The following GRIN2B variants were observed in gnomAD, a reference collection of about 807,000 sequenced individuals.
GRIN2B encodes glutamate receptor ionotropic, NMDA 2B.
In GRIN2B, 5 loss-of-function variants were observed where a neutral mutation model predicts 114.5. The observed-to-expected ratio is 0.04, with a 90% CI of 0.02 to 0.09. The LOEUF is 0.09. Ranked by LOEUF, GRIN2B falls within the 10% of genes least tolerant of loss-of-function variation. The pLI, the probability that GRIN2B is intolerant of heterozygous loss-of-function variation, is 1.00. For synonymous variants in GRIN2B, 787 were observed against 745.1 expected (o/e 1.06, Z -0.92); for missense variants, 1,108 against 1,943.5 (o/e 0.57, Z 8.08).
intron 3 of GRIN2B, among the ~76,000 whole-genome samples, chr12:13,842,805 A>G (rs1591762560): frequency 6.6e-6 from 1 of 152,066 alleles, no homozygotes; most frequent in Non-Finnish European, 1.5e-5. Context: ...TTATAACGAG[A>G]TAATTCATAT....
At chr12:13,786,487 C>T (rs1369709891) in intron 3 of GRIN2B, among the ~76,000 whole-genome samples, 1 of 152,134 alleles carries the variant, frequency 6.6e-6, no homozygotes, top group Non-Finnish European at 1.5e-5. Flanking sequence ...TTTTCAAGAA[C>T]TGCACGCCAT....
intron 3 of GRIN2B, among the ~76,000 whole-genome samples, chr12:13,806,145 G>A (rs1864595500): frequency 1.3e-5 from 2 of 152,036 alleles, no homozygotes; most frequent in Non-Finnish European, 2.9e-5. Context: ...GGACACTTAG[G>A]TTGACTCCAT....
At chr12:13,572,357 G>C (rs1353404054) in intron 10 of GRIN2B, among the ~76,000 whole-genome samples, 2 of 152,120 alleles carry the variant, frequency 1.3e-5, no homozygotes, top group African/African-American at 4.8e-5. Flanking sequence ...CTGTATTCAG[G>C]CCTCTTAAAG....
chr12:13,683,832 T>C (rs1005261063), intron 4 of GRIN2B: 1 of 152,198 alleles, frequency 6.6e-6, no homozygotes, highest in African/African-American at 2.4e-5. Context: ...CATTATGTAT[T>C]AGTTGTTATT....
intron 12 of GRIN2B, 49 bp downstream of exon 12, chr12:13,569,781 C>A: frequency 8.7e-7 from 1 of 1,148,164 alleles, no homozygotes. Context: ...ATGTTTTGGA[C>A]TGGCCATCAG....
intron 4 of GRIN2B, among the ~76,000 whole-genome samples, chr12:13,730,379 A>G (rs1417894783): frequency 6.6e-6 from 1 of 152,014 alleles, no homozygotes; most frequent in African/African-American, 2.4e-5. Flanking sequence ...TAACCAAACA[A>G]GCTGACTGTG....
intron 3 of GRIN2B, among the ~76,000 whole-genome samples, chr12:13,812,626 GT>G (rs1565547084): frequency 6.6e-6 from 1 of 151,948 alleles, no homozygotes; most frequent in Non-Finnish European, 1.5e-5. Context: ...TAAGAATTCT[GT>G]TTTTTTAATC....
At chr12:13,622,608 TA>T (rs1949529073) in intron 5 of GRIN2B, among the ~76,000 whole-genome samples, 3 of 152,290 alleles carry the variant, frequency 2.0e-5, no homozygotes, top group South Asian at 2.1e-4. Flanking sequence ...CTGGGTAATT[TA>T]TTTTTTTTTA....
rs1019237182 is a variant in GRIN2B at position 13,543,094 on chromosome 12, T to C, written c.*19689A>G. The C allele has an allele frequency of 1.3e-5, 2 of 152,168 alleles. No homozygotes were observed. The highest frequency in any genetic ancestry group is 4.8e-5 in the African/African-American group (2 of 41,444). 9.4% of individuals were successfully genotyped at this position (152,168 alleles called of 1,614,324 possible). ...TCCCTCATTCCTGTCATAATTTACA[T>C]TCCTATCATATGGAAGTCAACATTT... On this transcript the variant is annotated 3_prime_UTR_variant, in exon 14 of 14. Transcript: ENST00000609686.
intron 10 of GRIN2B, among the ~76,000 whole-genome samples, chr12:13,588,780 T>C (rs1948966691): frequency 6.6e-6 from 1 of 152,208 alleles, no homozygotes; most frequent in Admixed American, 6.5e-5. Context: ...GGCTGCGTTA[T>C]ACACCAGTAG....
intron 5 of GRIN2B, among the ~76,000 whole-genome samples, chr12:13,660,830 T>A (rs576206535): frequency 6.6e-6 from 1 of 152,306 alleles, no homozygotes; most frequent in East Asian, 1.9e-4. Context: ...GCCAGACTGT[T>A]CAAAGCCTCT....
At chr12:13,671,056 C>T (rs984018603) in intron 5 of GRIN2B, among the ~76,000 whole-genome samples, 1 of 152,134 alleles carries the variant, frequency 6.6e-6, no homozygotes, top group African/African-American at 2.4e-5. Flanking sequence ...ATTCCAGAGA[C>T]TGGGAACAGC....
At chr12:13,717,206 A>G (rs1034267862) in intron 4 of GRIN2B, among the ~76,000 whole-genome samples, 5 of 151,574 alleles carry the variant, frequency 3.3e-5, no homozygotes, top group Admixed American at 2.0e-4. Flanking sequence ...TTAAATAGCT[A>G]CTAAGTGGTT....
At chr12:13,680,481 T>TGTGTGTGTGC in intron 4 of GRIN2B, among the ~76,000 whole-genome samples, 1 of 148,044 alleles carries the variant, frequency 6.8e-6, no homozygotes, top group Non-Finnish European at 1.5e-5. Context: ...TGTGTGTGTG[T>TGTGTGTGTGC]GTGTATTTTA....
intron 10 of GRIN2B, among the ~76,000 whole-genome samples, chr12:13,580,547 G>T (rs1343739156): frequency 6.6e-6 from 1 of 152,184 alleles, no homozygotes; most frequent in Non-Finnish European, 1.5e-5. Context: ...AGGCACCCAA[G>T]AGAAAAAGTG....
At chr12:13,933,280 C>G (rs1391707729) in intron 2 of GRIN2B, among the ~76,000 whole-genome samples, 1 of 152,158 alleles carries the variant, frequency 6.6e-6, no homozygotes, top group African/African-American at 2.4e-5. Context: ...AGCACCCCGA[C>G]TGAAACACAG....
At chr12:13,568,468 C>T (rs1948668247) in intron 12 of GRIN2B, among the ~76,000 whole-genome samples, 1 of 152,202 alleles carries the variant, frequency 6.6e-6, no homozygotes, top group Non-Finnish European at 1.5e-5. Context: ...ACTAAAATTA[C>T]AGAAGCTCTT....
rs1175700483 is a variant in GRIN2B, at chr12:13,876,248, T to C, written c.-18-10022A>G. 2.0e-5 allele frequency among the ~76,000 whole-genome samples: 3 copies of C among 152,200 alleles called. No individual in the cohort carries two copies. In the East Asian group the frequency reaches 5.8e-4, roughly 29 times the overall value. On this transcript the variant is annotated intron_variant, in intron 2 of 13. Coordinates refer to ENST00000609686, the MANE Select transcript of GRIN2B (RefSeq NM_000834.5). The stretch of plus-strand genomic sequence containing the variant: ...AGTAACTTAAATTACCTAGACCTCA[T>C]TTTCTTCTTTATAAAATGGGAATTA...
intron 4 of GRIN2B, among the ~76,000 whole-genome samples, chr12:13,709,843 T>C (rs1486599612): frequency 6.6e-6 from 1 of 152,030 alleles, no homozygotes; most frequent in Non-Finnish European, 1.5e-5. Flanking sequence ...AAAATGATAC[T>C]ACCGCTCTGA....
Sources: gnomAD v4.1 joint callset for allele counts (sites outside exome capture counted in the v4.1 genomes callset) on GRCh38, gnomAD v4.1.1 for gene constraint, MANE v1.5 for transcripts, NCBI Gene and HGNC (gene_info 2026-07-23, HGNC 2026-07-21) for gene names.